GLI2: variants seen among roughly 807,000 people sequenced by gnomAD.
The protein encoded by GLI2 is GLI family zinc finger 2.
In GLI2, 22 loss-of-function variants were observed where a neutral mutation model predicts 78.9. The observed-to-expected ratio is 0.28, with a 90% CI of 0.20 to 0.40. The LOEUF is 0.40. GLI2 is among the 10% of genes least tolerant of loss of function. The pLI, the probability that GLI2 is intolerant of heterozygous loss-of-function variation, is 1.00. For synonymous variants in GLI2, 974 were observed against 963.7 expected, an observed-to-expected ratio of 1.01 and a Z score of -0.20; for missense variants, 2,097 against 2,213.2, an observed-to-expected ratio of 0.95 and a Z score of 1.05.
chr2:120,880,068 GCA>G (rs1481453121), intron 2 of GLI2, among the ~76,000 whole-genome samples: 1 of 152,170 alleles, frequency 6.6e-6, no homozygotes, highest in Admixed American at 6.5e-5. Flanking sequence ...CCCTCTCTGT[GCA>G]CAGTGTTAAA....
At chr2:120,936,267 A>G (rs1048622298) in intron 3 of GLI2, among the ~76,000 whole-genome samples, 12 of 152,148 alleles carry the variant, frequency 7.9e-5, no homozygotes, top group African/African-American at 2.9e-4. Flanking sequence ...TGAGGACTAG[A>G]TGGGTGTCTG....
At chr2:120,944,388 C>T (rs1032926388) in intron 3 of GLI2, among the ~76,000 whole-genome samples, 1 of 152,166 alleles carries the variant, frequency 6.6e-6, no homozygotes, top group African/African-American at 2.4e-5. Context: ...CACAGCTGCC[C>T]CACCTGCAGG....
intron 3 of GLI2, among the ~76,000 whole-genome samples, chr2:120,936,629 G>C (rs966010225): frequency 6.6e-6 from 1 of 152,194 alleles, no homozygotes; most frequent in African/African-American, 2.4e-5. Context: ...TCTGTCTGCA[G>C]ACATGGAAAC....
intron 2 of GLI2, among the ~76,000 whole-genome samples, chr2:120,841,888 T>TGTGA (rs768879101): frequency 1.3e-5 from 2 of 150,790 alleles, no homozygotes; most frequent in African/African-American, 2.4e-5. Context: ...TGTGTGTGTG[T>TGTGA]GATGCTGGGC....
chr2:120,948,695 A>C (rs933875892), intron 3 of GLI2, among the ~76,000 whole-genome samples: 129 of 152,076 alleles, frequency 8.5e-4, no homozygotes, highest in African/African-American at 3.0e-3. Context: ...TGAAATCCCC[A>C]CGTGATCAAT....
At chr2:120,905,852 G>C (rs1037000245) in intron 2 of GLI2, among the ~76,000 whole-genome samples, 8 of 151,252 alleles carry the variant, frequency 5.3e-5, no homozygotes, top group Non-Finnish European at 1.0e-4. Context: ...GGGCTGATTG[G>C]GGGAGGGCTA....
intron 2 of GLI2, among the ~76,000 whole-genome samples, chr2:120,839,173 T>A (rs1450205836): frequency 6.6e-6 from 1 of 152,238 alleles, no homozygotes; most frequent in African/African-American, 2.4e-5. Flanking sequence ...GCATACCGTA[T>A]GGATTATCTT....
chr2:120,798,066 C>T (rs917352517), intron 2 of GLI2, among the ~76,000 whole-genome samples: 3 of 152,108 alleles, frequency 2.0e-5, no homozygotes, highest in Non-Finnish European at 2.9e-5. Flanking sequence ...GGCGGGAAGG[C>T]GAGACCTCCG....
chr2:120,862,715 G>A (rs774227429), intron 2 of GLI2, among the ~76,000 whole-genome samples: 1 of 152,200 alleles, frequency 6.6e-6, no homozygotes, highest in Non-Finnish European at 1.5e-5. Flanking sequence ...ACTGGTGCCT[G>A]TGCAGGGCAG....
chr2:120,967,181 T>A (rs1255852603), intron 5 of GLI2, among the ~76,000 whole-genome samples: 2 of 152,112 alleles, frequency 1.3e-5, no homozygotes, highest in East Asian at 3.9e-4. Context: ...CTGGAAAGGA[T>A]GGGTGGGCAG....
At chr2:120,775,910 C>G (rs945957760) in intron 1 of GLI2, among the ~76,000 whole-genome samples, 11 of 152,362 alleles carry the variant, frequency 7.2e-5, no homozygotes, top group African/African-American at 2.6e-4. Context: ...GGCCTTCCCC[C>G]GGGCTCCCAT....
At chr2:120,925,323 A>G (rs894901349) in intron 2 of GLI2, among the ~76,000 whole-genome samples, 11 of 152,248 alleles carry the variant, frequency 7.2e-5, no homozygotes, top group African/African-American at 2.7e-4. Context: ...TTGTGAAATT[A>G]TGAAGATGGA....
chr2:120,952,954 G>T (rs1048427282), intron 4 of GLI2, among the ~76,000 whole-genome samples: 2 of 152,236 alleles, frequency 1.3e-5, no homozygotes, highest in Non-Finnish European at 2.9e-5. Context: ...CCCCAGCCTT[G>T]GTTCCCTCGG....
chr2:120,807,558 G>A (rs144691635), intron 2 of GLI2, among the ~76,000 whole-genome samples: 217 of 152,276 alleles, frequency 1.4e-3, no homozygotes, highest in African/African-American at 3.4e-3. Flanking sequence ...CAGTTCACCC[G>A]TGATGTGCAA....
intron 1 of GLI2, among the ~76,000 whole-genome samples, chr2:120,780,331 C>T (rs1683807184): frequency 6.6e-6 from 1 of 152,220 alleles, no homozygotes; most frequent in Non-Finnish European, 1.5e-5. Context: ...GTCCTGGGAG[C>T]AGGCATCTTC....
chr2:120,906,384 G>A (rs929731156), intron 2 of GLI2, among the ~76,000 whole-genome samples: 4 of 152,182 alleles, frequency 2.6e-5, no homozygotes, highest in African/African-American at 7.2e-5. Context: ...CAGGCAGGCT[G>A]GAAAGGAGTG....
At chr2:120,912,173 A>G (rs1678854544) in intron 2 of GLI2, among the ~76,000 whole-genome samples, 1 of 151,898 alleles carries the variant, frequency 6.6e-6, no homozygotes, top group African/African-American at 2.4e-5. Context: ...TGTATTTGGG[A>G]GTTTTCCCCT....
intron 2 of GLI2, among the ~76,000 whole-genome samples, chr2:120,841,848 G>GGTGTGTGTGTGTGTGTGTGTGTGT (rs555474895): frequency 0.011 from 1,514 of 132,582 alleles, 20 homozygotes; most frequent in Non-Finnish European, 0.017. Flanking sequence ...CAGTCTGGAG[G>GGTGTGTGTGTGTGTGTGTGTGTGT]GTGTGTGTGT....
intron 2 of GLI2, among the ~76,000 whole-genome samples, chr2:120,867,666 C>T (rs1688211042): frequency 6.6e-6 from 1 of 152,228 alleles, no homozygotes; most frequent in Non-Finnish European, 1.5e-5. Flanking sequence ...TGAGGCCGCT[C>T]TTGTGTGTGA....
Sources: gnomAD v4.1 joint callset for allele counts (sites outside exome capture counted in the v4.1 genomes callset) on GRCh38, gnomAD v4.1.1 for gene constraint, MANE v1.5 for transcripts, NCBI Gene and HGNC (gene_info 2026-07-23, HGNC 2026-07-21) for gene names.